Variants in COL8A1 observed in about 807,000 individuals in gnomAD.
COL8A1 encodes collagen type VIII alpha 1 chain, also known as collagen alpha-1(VIII) chain.
In COL8A1, 21 loss-of-function variants were observed where a neutral mutation model predicts 42.7. That is an observed-to-expected ratio of 0.49 (90% CI 0.35 to 0.71). The LOEUF (loss-of-function observed/expected upper bound fraction) is 0.71, where lower values mean the gene tolerates loss of function less well. Ranked by LOEUF, COL8A1 falls within the 30% of genes least tolerant of loss-of-function variation. COL8A1 has a pLI of 0.01. For missense variants in COL8A1, 788 were observed against 962.4 expected, an observed-to-expected ratio of 0.82 and a Z score of 2.40; for synonymous variants, 367 against 369.1, an observed-to-expected ratio of 0.99 and a Z score of 0.06.
intron 2 of COL8A1, among the ~76,000 whole-genome samples, chr3:99,759,113 T>A (rs2107422859): frequency 6.6e-6 from 1 of 151,856 alleles, no homozygotes; most frequent in East Asian, 1.9e-4. Context: ...TTCCTTTTTT[T>A]TTTTTTTAAG....
At chr3:99,705,780 G>A (rs1187533404) in intron 1 of COL8A1, among the ~76,000 whole-genome samples, 5 of 151,822 alleles carry the variant, frequency 3.3e-5, no homozygotes, top group Non-Finnish European at 7.4e-5. Flanking sequence ...CTGCCCCCCC[G>A]GTATGATATT....
chr3:99,669,945 G>GA (rs1237374399), intron 1 of COL8A1, among the ~76,000 whole-genome samples: 1 of 151,842 alleles, frequency 6.6e-6, no homozygotes, highest in Non-Finnish European at 1.5e-5. Context: ...CATTCCAGCG[G>GA]AAAAAATGTT....
Position 99,795,546 on chromosome 3 carries a change from G to T in COL8A1, c.1645G>T (p.Ala549Ser). ...GLHGPPGKPG[A>S]LGPQGQPGLP... ...TCATGGCCCCCCAGGGAAGCCTGGT[G>T]CCCTTGGTCCTCAAGGCCAGCCTGG... Residue 549 changes from alanine to serine, a missense_variant, in exon 4 of 4, where the codon GCC becomes TCC. Physicochemically the swap from Ala to Ser is moderately conservative, Grantham distance 99 (BLOSUM62 1). This residue lies in a region of COL8A1 where 154 missense variants were observed against 182.3 expected (regional missense o/e 0.84). Coordinates refer to ENST00000652472, the MANE Select transcript of COL8A1 (RefSeq NM_020351.4). 6.2e-7 allele frequency: 1 copy of T among 1,607,976 alleles called. No homozygotes were observed. Among genetic ancestry groups the T allele is most frequent in the Non-Finnish European group, 8.5e-7 (1 of 1,177,104 alleles).
rs757177865 is a variant in COL8A1, at chr3:99,799,004, C to G, written c.*2868C>G. 1 of 152,164 alleles carries G rather than the reference C, an allele frequency of 6.6e-6. No individual in the cohort carries two copies. Among genetic ancestry groups the G allele is most frequent in the Non-Finnish European group, 1.5e-5 (1 of 68,034 alleles). 9.4% of individuals were successfully genotyped at this position (152,164 alleles called of 1,614,324 possible). On this transcript the variant is annotated 3_prime_UTR_variant, in exon 4 of 4. Transcript: ENST00000652472. ...AACTCATATTATTGTTATGTAAATA[C>G]AGAGTTTTAATGCAGTATGACATCC...
At chr3:99,683,226 T>C (rs949010829) in intron 1 of COL8A1, among the ~76,000 whole-genome samples, 2 of 152,222 alleles carry the variant, frequency 1.3e-5, no homozygotes, top group Admixed American at 6.5e-5. Flanking sequence ...AGACTCTATA[T>C]TCTACAAGTC....
intron 1 of COL8A1, among the ~76,000 whole-genome samples, chr3:99,657,303 G>A (rs1168622250): frequency 6.6e-6 from 1 of 152,150 alleles, no homozygotes; most frequent in Admixed American, 6.5e-5. Context: ...TGTACTAAGG[G>A]CTTTCATGGG....
At chr3:99,765,296 C>T (rs900157) in intron 2 of COL8A1, among the ~76,000 whole-genome samples, 132 of 152,228 alleles carry the variant, frequency 8.7e-4, no homozygotes, top group African/African-American at 3.0e-3. Context: ...TGGTAAACTG[C>T]TCAAACTCAC....
At chr3:99,719,716 G>A (rs1940095074) in intron 1 of COL8A1, among the ~76,000 whole-genome samples, 1 of 152,132 alleles carries the variant, frequency 6.6e-6, no homozygotes, top group Non-Finnish European at 1.5e-5. Context: ...AGAAAGTATG[G>A]TGACTTCATT....
chr3:99,779,051 T>C (rs1261973173), intron 2 of COL8A1, among the ~76,000 whole-genome samples: 1 of 152,212 alleles, frequency 6.6e-6, no homozygotes, highest in East Asian at 1.9e-4. Context: ...ACAGATTTGC[T>C]TCACTTAGGG....
In COL8A1 at chr3:99,795,723, A is replaced by G. The variant is rs950157934; in HGVS notation, c.1822A>G (p.Asn608Asp). The change falls in exon 4 of 4, where the codon AAT (asparagine) becomes GAT (aspartate). Residue 608 changes from asparagine to aspartate, a missense_variant. Asn to Asp is a conservative substitution (Grantham distance 23). Around this residue, in one of 4 missense-constraint regions of COL8A1, gnomAD observed 212 missense variants for 210.9 expected, o/e 1.00. Transcript: ENST00000652472. ...TGCCTACGGGGCTAAGAAAGGCAAG[A>G]ATGGAGGGCCAGCCTATGAGATGCC... ...PHAYGAKKGK[N>D]GGPAYEMPAF... The G allele has an allele frequency of 6.2e-7, 1 of 1,614,110 alleles. No homozygotes were observed. The highest frequency in any genetic ancestry group is 1.7e-5 in the Admixed American group (1 of 60,032).
chr3:99,794,205 C>T lies in COL8A1; in HGVS notation c.329-25C>T. ...AATCTCTCTCTCTCCCCCCATACCC[C>T]TTCTCTCTCTTCTCTTCCCAGTAGA... On this transcript the variant is annotated intron_variant, in intron 3 of 3. Coordinates refer to ENST00000652472, the MANE Select transcript of COL8A1 (RefSeq NM_020351.4). The surrounding 1 kb of genome is among the most constrained non-coding windows in gnomAD (Gnocchi z 4.3). 1.4e-6 allele frequency: 2 copies of T among 1,466,570 alleles called. No homozygotes were observed. The highest frequency in any genetic ancestry group is 1.8e-6 in the Non-Finnish European group (2 of 1,084,794). 90.8% of individuals were successfully genotyped at this position (1,466,570 alleles called of 1,614,324 possible). A position where few individuals can be genotyped will look rare whatever the true frequency, so the allele number is the denominator to read the frequency against.
chr3:99,712,802 C>T (rs1263719047), intron 1 of COL8A1, among the ~76,000 whole-genome samples: 1 of 152,070 alleles, frequency 6.6e-6, no homozygotes, highest in African/African-American at 2.4e-5. Context: ...TATTGCTGAA[C>T]GTCTTGCATC....
intron 2 of COL8A1, among the ~76,000 whole-genome samples, chr3:99,770,965 G>C (rs560930309): frequency 6.6e-6 from 1 of 152,300 alleles, no homozygotes; most frequent in Admixed American, 6.5e-5. Context: ...TGTCTGAGGG[G>C]ACAGCATTTC....
intron 2 of COL8A1, among the ~76,000 whole-genome samples, chr3:99,780,283 A>G (rs1385698478): frequency 6.6e-6 from 1 of 152,230 alleles, no homozygotes; most frequent in African/African-American, 2.4e-5. Context: ...AACTTGCTTA[A>G]GATTACACAG....
intron 1 of COL8A1, among the ~76,000 whole-genome samples, chr3:99,738,968 G>A (rs1159402421): frequency 6.6e-6 from 1 of 152,194 alleles, no homozygotes. Flanking sequence ...CAGTATTTGG[G>A]TGGGAGTGAC....
At chr3:99,676,227 C>T (rs992684016) in intron 1 of COL8A1, among the ~76,000 whole-genome samples, 2 of 152,056 alleles carry the variant, frequency 1.3e-5, no homozygotes, top group Non-Finnish European at 2.9e-5. Context: ...CAGGTAGCTT[C>T]GCCAGTGAAT....
At chr3:99,679,514 C>T (rs1938802064) in intron 1 of COL8A1, 1 of 152,132 alleles carries the variant, frequency 6.6e-6, no homozygotes, top group Non-Finnish European at 1.5e-5. Flanking sequence ...TTTCATTCAC[C>T]AATAGTGGCC....
At chr3:99,727,664 C>T (rs1250416685) in intron 1 of COL8A1, among the ~76,000 whole-genome samples, 2 of 151,878 alleles carry the variant, frequency 1.3e-5, no homozygotes, top group African/African-American at 4.8e-5. Context: ...ATCCTGATAC[C>T]AAAGCCTGGC....
rs185477427 is a variant in COL8A1 at position 99,648,866 on chromosome 3, G to T, written c.-129+10202G>T. 1.4e-3 allele frequency among the ~76,000 whole-genome samples: 211 copies of T among 152,248 alleles called. 1 individual carries two copies. Among genetic ancestry groups the T allele is most frequent in the African/African-American group, 4.7e-3 (196 of 41,552 alleles). On this transcript the variant is annotated intron_variant, in intron 1 of 3. Transcript: ENST00000652472. ...GACTTAAATGTTTCCCCCAAGCCAT[G>T]AGAGTCACCTAGGAAAATGTCTATG...
Sources: gnomAD v4.1 joint callset for allele counts (sites outside exome capture counted in the v4.1 genomes callset) on GRCh38, gnomAD v4.1.1 for gene constraint, gnomAD v4.1.1 regional missense constraint, Gnocchi (gnomAD v3.1) non-coding constraint, MANE v1.5 for transcripts, NCBI Gene and HGNC (gene_info 2026-07-23, HGNC 2026-07-21) for gene names.